NIPSNAP3B: variants seen among roughly 807,000 people sequenced by gnomAD.
NIPSNAP3B encodes the protein protein NipSnap homolog 3B.
Under a neutral mutation model 31.5 loss-of-function variants are expected in NIPSNAP3B, and 30 were observed. The observed-to-expected ratio is 0.95, with a 90% CI of 0.71 to 1.29. The LOEUF (loss-of-function observed/expected upper bound fraction) is 1.29, where lower values mean the gene tolerates loss of function less well. NIPSNAP3B is among the 50% of genes most tolerant of loss of function. The pLI is 0.00. For missense variants in NIPSNAP3B, 269 were observed against 300.7 expected, an observed-to-expected ratio of 0.89 and a Z score of 0.78; for synonymous variants, 106 against 107.9, an observed-to-expected ratio of 0.98 and a Z score of 0.11.
At position 104,775,600 on chromosome 9, in the gene NIPSNAP3B, C is replaced by A. The variant is rs185983492; in HGVS notation, c.*2527C>A. On this transcript the variant is annotated 3_prime_UTR_variant, in exon 6 of 6. Coordinates refer to ENST00000374762, the MANE Select transcript of NIPSNAP3B (RefSeq NM_018376.4). ...GTGTGGATAGCTCCTCCAGTCCACA[C>A]CTCTTTTCTGAATCTTTTTTCAAAT... 6.5e-4 allele frequency among the ~76,000 whole-genome samples: 99 copies of A among 152,282 alleles called. 1 individual carries two copies. The highest frequency in any genetic ancestry group is 2.2e-3 in the African/African-American group (90 of 41,552).
chr9:104,766,083 C>T (rs886994556), intron 1 of NIPSNAP3B, among the ~76,000 whole-genome samples: 10 of 152,164 alleles, frequency 6.6e-5, no homozygotes, highest in African/African-American at 1.9e-4. Flanking sequence ...AGCAAATTCT[C>T]GTGAAAAAAT....
rs1356100746 is a variant in NIPSNAP3B at position 104,774,309 on chromosome 9, A to G, written c.*1236A>G. ...AAGCGATCTGCAGTTTATCTGGGCTATTATGCAATGTGAGATATTATTTAT... is the reference window on the plus strand; with the variant it reads ...AAGCGATCTGCAGTTTATCTGGGCTGTTATGCAATGTGAGATATTATTTAT... On this transcript the variant is annotated 3_prime_UTR_variant, in exon 6 of 6. Coordinates refer to ENST00000374762, the MANE Select transcript of NIPSNAP3B (RefSeq NM_018376.4). Among the ~76,000 whole-genome samples the G allele has an allele frequency of 1.3e-5, 2 of 152,180 alleles. No homozygotes were observed. Among genetic ancestry groups the G allele is most frequent in the South Asian group, 2.1e-4 (1 of 4,830 alleles).
At chr9:104,768,072 A>T (rs1828126439) in intron 2 of NIPSNAP3B, among the ~76,000 whole-genome samples, 1 of 152,178 alleles carries the variant, frequency 6.6e-6, no homozygotes, top group Non-Finnish European at 1.5e-5. Flanking sequence ...AGTAGTTGTT[A>T]TACTATATTA....
Position 104,773,000 on chromosome 9 carries a change from G to A in NIPSNAP3B, c.671G>A (p.Arg224Gln), listed in dbSNP as rs779967255. 3.1e-5 allele frequency: 50 copies of A among 1,613,998 alleles called. 2 individuals carry two copies. In the South Asian group the frequency reaches 4.1e-4, roughly 13 times the overall value. The change falls in exon 6 of 6, where the codon CGG (arginine) becomes CAG (glutamine). Residue 224 changes from arginine to glutamine, a missense_variant. Physicochemically the swap from Arg to Gln is conservative, Grantham distance 43. Transcript: ENST00000374762. ...HEDPRVVAAV[R>Q]ESVNYLVSQQ... ...TTCTTATGAAATGTTTTTCCAGTTC[G>A]GGAAAGTGTCAACTACCTAGTTTCT...
Position 104,774,890 on chromosome 9 carries a change from G to C in NIPSNAP3B, c.*1817G>C, listed in dbSNP as rs529164476. Among the ~76,000 whole-genome samples the C allele has an allele frequency of 6.6e-6, 1 of 151,940 alleles. No homozygotes were observed. Among genetic ancestry groups the C allele is most frequent in the African/African-American group, 2.4e-5 (1 of 41,368 alleles). On this transcript the variant is annotated 3_prime_UTR_variant, in exon 6 of 6. Transcript: ENST00000374762. Reference sequence around the variant, plus strand: ...CTTCGATGACTCCCAGCACCTGCGCGTCCATCTTCATTCTTAGCCAATGAC... The same window carrying C: ...CTTCGATGACTCCCAGCACCTGCGCCTCCATCTTCATTCTTAGCCAATGAC...
Position 104,770,977 on chromosome 9 carries a change from G to A in NIPSNAP3B, c.559G>A (p.Glu187Lys). The A allele has an allele frequency of 1.2e-6, 2 of 1,613,892 alleles. No homozygotes were observed. The highest frequency in any genetic ancestry group is 1.1e-5 in the South Asian group (1 of 91,074). ...AAAAGTAGTTGGTGTTTTCCACACAGAATATGGAGAACTCAACAGAGGTAC... is the reference window on the plus strand; with the variant it reads ...AAAAGTAGTTGGTGTTTTCCACACAAAATATGGAGAACTCAACAGAGGTAC... ...YTKVVGVFHT[E>K]YGELNRVHVL... The change falls in exon 4 of 6, where the codon GAA (glutamate) becomes AAA (lysine). Residue 187 changes from glutamate (E) to lysine (K), a missense_variant. Glu to Lys is a moderately conservative substitution (Grantham distance 56). Transcript: ENST00000374762.
chr9:104,781,092 T>A (rs967996995), downstream of NIPSNAP3B: 2 of 152,670 alleles, frequency 1.3e-5, no homozygotes, highest in African/African-American at 4.8e-5. Context: ...TCATATAAAG[T>A]TATTGACATA....
chr9:104,765,162 G>A (rs1361459140), intron 1 of NIPSNAP3B, among the ~76,000 whole-genome samples: 2 of 152,152 alleles, frequency 1.3e-5, no homozygotes, highest in African/African-American at 4.8e-5. Flanking sequence ...TGGGCAATAA[G>A]GGCATAACTC....
At chr9:104,789,162 C>A in the NIPSNAP3B span, among the ~76,000 whole-genome samples, 1 of 152,210 alleles carries the variant, frequency 6.6e-6, no homozygotes, top group African/African-American at 2.4e-5. Flanking sequence ...TCATTCCTCT[C>A]TGTGTATCTA....
intron 4 of NIPSNAP3B, 180 bp downstream of exon 4, chr9:104,771,178 T>A: frequency 1.9e-6 from 1 of 523,306 alleles, no homozygotes. Context: ...TGTTAATACT[T>A]TATGGAGCCT....
At position 104,765,006 on chromosome 9, in the gene NIPSNAP3B, A is replaced by G. The variant is rs536185824; in HGVS notation, c.60+706A>G. ...CCTCATTGGCCCATTTTCCGAGATAATAATATTTTTAAACTGTAGATACTA... is the reference window on the plus strand; with the variant it reads ...CCTCATTGGCCCATTTTCCGAGATAGTAATATTTTTAAACTGTAGATACTA... On this transcript the variant is annotated intron_variant, in intron 1 of 5. Coordinates refer to ENST00000374762, the MANE Select transcript of NIPSNAP3B (RefSeq NM_018376.4). Among the ~76,000 whole-genome samples, 7 of 152,356 alleles carry G rather than the reference A, an allele frequency of 4.6e-5. 1 individual carries two copies. The highest frequency in any genetic ancestry group is 1.3e-4 in the Admixed American group (2 of 15,306).
At chr9:104,766,209 A>C (rs913721459) in intron 1 of NIPSNAP3B, 116 bp from the exon 2 acceptor site, 2 of 750,796 alleles carry the variant, frequency 2.7e-6, no homozygotes, top group Non-Finnish European at 4.5e-6. Context: ...TGACAACAAA[A>C]GTAAACAATG....
chr9:104,772,539 T>A (rs979445932), intron 4 of NIPSNAP3B, among the ~76,000 whole-genome samples: 46 of 152,148 alleles, frequency 3.0e-4, no homozygotes, highest in Admixed American at 3.9e-4. Context: ...CTGCTTTTTT[T>A]AAAAAATAAA....
chr9:104,778,619 C>T (rs1255963024), downstream of NIPSNAP3B, among the ~76,000 whole-genome samples: 1 of 152,188 alleles, frequency 6.6e-6, no homozygotes, highest in Non-Finnish European at 1.5e-5. Flanking sequence ...CTACCTAGTT[C>T]AGGTCACAAA....
intron 2 of NIPSNAP3B, among the ~76,000 whole-genome samples, chr9:104,767,525 A>T (rs1280697056): frequency 2.0e-5 from 3 of 152,142 alleles, no homozygotes; most frequent in Non-Finnish European, 2.9e-5. Context: ...ATTTAATATG[A>T]AAAGTGTTCA....
the NIPSNAP3B span, among the ~76,000 whole-genome samples, chr9:104,790,516 C>T: frequency 6.6e-6 from 1 of 152,170 alleles, no homozygotes; most frequent in South Asian, 2.1e-4. Context: ...TTAAATTCTA[C>T]ATACAGTATG....
chr9:104,766,823 G>A (rs966642612), intron 2 of NIPSNAP3B, among the ~76,000 whole-genome samples: 5 of 151,958 alleles, frequency 3.3e-5, no homozygotes, highest in African/African-American at 1.2e-4. Context: ...TGTTAGAATC[G>A]TTTGCTATAA....
At chr9:104,777,995 A>G (rs918553302), downstream of NIPSNAP3B, among the ~76,000 whole-genome samples, 16 of 152,052 alleles carry the variant, frequency 1.1e-4, no homozygotes, top group African/African-American at 3.6e-4. Context: ...CTTCTCAGCA[A>G]TGTTGGACAT....
In NIPSNAP3B at chr9:104,777,216, C is replaced by G. The variant is rs1308785080; in HGVS notation, c.*4143C>G. 1 of 152,238 alleles carries G rather than the reference C, an allele frequency of 6.6e-6. No individual in the cohort carries two copies. The highest frequency in any genetic ancestry group is 1.5e-5 in the Non-Finnish European group (1 of 68,060). The allele number at this position is 152,238 out of a possible 1,614,324, so 9.4% of individuals were successfully genotyped here. ...GAGAAGCAAATGCCACTTGTAGACT[C>G]AAACTCTGGACTTCATTCTCAGCAC... On this transcript the variant is annotated 3_prime_UTR_variant, in exon 6 of 6. Coordinates refer to ENST00000374762, the MANE Select transcript of NIPSNAP3B (RefSeq NM_018376.4).
Sources: gnomAD v4.1 joint callset for allele counts (sites outside exome capture counted in the v4.1 genomes callset) on GRCh38, gnomAD v4.1.1 for gene constraint, MANE v1.5 for transcripts, NCBI Gene and HGNC (gene_info 2026-07-23, HGNC 2026-07-21) for gene names.